The following TNFAIP8 variants were observed in gnomAD, a reference collection of about 807,000 sequenced individuals.
The protein encoded by TNFAIP8 is TNF alpha induced protein 8.
In TNFAIP8, 7 loss-of-function variants were observed where a neutral mutation model predicts 13.3. The ratio of observed to expected loss-of-function variants is 0.52; its 90% CI spans 0.30 to 0.99. The LOEUF is 0.99. Ranked by LOEUF, TNFAIP8 falls within the 50% of genes least tolerant of loss-of-function variation. TNFAIP8 has a pLI of 0.07. For missense variants in TNFAIP8, 258 were observed against 236.9 expected (o/e 1.09, Z -0.58); for synonymous variants, 94 against 87.6 (o/e 1.07, Z -0.41).
At chr5:119,316,875 G>GT (rs1238102010) in intron 1 of TNFAIP8, among the ~76,000 whole-genome samples, 1 of 152,154 alleles carries the variant, frequency 6.6e-6, no homozygotes, top group Non-Finnish European at 1.5e-5. Flanking sequence ...TTTGCTGCTG[G>GT]TATCTAGTGG....
At chr5:119,381,716 C>G (rs1247821211) in intron 1 of TNFAIP8, among the ~76,000 whole-genome samples, 1 of 151,938 alleles carries the variant, frequency 6.6e-6, no homozygotes, top group Non-Finnish European at 1.5e-5. Context: ...GCACTTTGGC[C>G]AGAGGAGTTT....
Position 119,394,470 on chromosome 5 carries a change from A to G in TNFAIP8, c.*1089A>G, listed in dbSNP as rs2112875545. On this transcript the variant is annotated 3_prime_UTR_variant, in exon 2 of 2. Coordinates refer to ENST00000504771, the MANE Select transcript of TNFAIP8 (RefSeq NM_014350.4). ...AGCAGTTTGTGTGGTGTTTCTATATAATTTTCTGTGTATAAATAATAAAGT... is the reference window on the plus strand; with the variant it reads ...AGCAGTTTGTGTGGTGTTTCTATATGATTTTCTGTGTATAAATAATAAAGT... 1 of 152,274 alleles carries G rather than the reference A, an allele frequency of 6.6e-6. No individual in the cohort carries two copies. The highest frequency in any genetic ancestry group is 1.9e-4 in the East Asian group (1 of 5,194). 9.4% of individuals were successfully genotyped at this position (152,274 alleles called of 1,614,324 possible).
upstream of TNFAIP8, among the ~76,000 whole-genome samples, chr5:119,351,369 G>A (rs1304420909): frequency 6.6e-6 from 1 of 150,800 alleles, no homozygotes; most frequent in African/African-American, 2.5e-5. Flanking sequence ...ACATTCAGTA[G>A]AAACTATACT....
chr5:119,338,287 A>C (rs1179226776), intron 1 of TNFAIP8, among the ~76,000 whole-genome samples: 19 of 152,036 alleles, frequency 1.2e-4, no homozygotes. Flanking sequence ...CCCCAGTATG[A>C]CAAGGATATT....
intron 1 of TNFAIP8, among the ~76,000 whole-genome samples, chr5:119,388,868 T>C (rs1204473246): frequency 6.6e-6 from 1 of 151,652 alleles, no homozygotes; most frequent in Non-Finnish European, 1.5e-5. Context: ...GGTCTCAAAG[T>C]CCTGGGCTCA....
intron 1 of TNFAIP8, among the ~76,000 whole-genome samples, chr5:119,341,415 TA>T: frequency 6.9e-6 from 1 of 144,878 alleles, no homozygotes; most frequent in African/African-American, 2.8e-5. Flanking sequence ...TTAAAAAACT[TA>T]AAACAAACAA....
chr5:119,327,983 A>G (rs1750273055), intron 1 of TNFAIP8, among the ~76,000 whole-genome samples: 1 of 152,078 alleles, frequency 6.6e-6, no homozygotes, highest in Non-Finnish European at 1.5e-5. Context: ...AAGATCTAAT[A>G]ATGTCTAGCT....
At chr5:119,364,450 C>G (rs1039649356) in intron 1 of TNFAIP8, among the ~76,000 whole-genome samples, 1 of 151,910 alleles carries the variant, frequency 6.6e-6, no homozygotes, top group Non-Finnish European at 1.5e-5. Context: ...TGGGCTCAAG[C>G]AATCTTCCTA....
rs931789915 is a variant in TNFAIP8 at position 119,362,125 on chromosome 5, G to A, written c.31+6004G>A. Among the ~76,000 whole-genome samples the A allele has an allele frequency of 1.3e-5, 2 of 152,196 alleles. 1 individual carries two copies. The highest frequency in any genetic ancestry group is 2.9e-5 in the Non-Finnish European group (2 of 68,036). The stretch of plus-strand genomic sequence containing the variant: ...GGACCCTATGAAAGTCTAGAAGAGG[G>A]GGTATTCACCAAAAGTCATGATGGA... On this transcript the variant is annotated intron_variant, in intron 1 of 1. Transcript: ENST00000504771.
intron 1 of TNFAIP8, among the ~76,000 whole-genome samples, chr5:119,377,830 C>G (rs566452853): frequency 1.3e-5 from 2 of 152,288 alleles, no homozygotes; most frequent in African/African-American, 4.8e-5. Context: ...TAATTCCTGA[C>G]TACCCAGTAG....
At chr5:119,350,558 T>A (rs1268118758) in intron 1 of TNFAIP8, among the ~76,000 whole-genome samples, 1 of 152,214 alleles carries the variant, frequency 6.6e-6, no homozygotes, top group Non-Finnish European at 1.5e-5. Context: ...TATCATCTGC[T>A]AAAAGCTTTT....
intron 1 of TNFAIP8, among the ~76,000 whole-genome samples, chr5:119,305,996 T>A (rs1253671506): frequency 6.6e-6 from 1 of 152,190 alleles, no homozygotes; most frequent in Non-Finnish European, 1.5e-5. Context: ...TGTAATGGAC[T>A]GCCTGCGCCG....
chr5:119,346,849 G>A (rs772359499), intron 1 of TNFAIP8, among the ~76,000 whole-genome samples: 3 of 152,196 alleles, frequency 2.0e-5, no homozygotes, highest in Non-Finnish European at 2.9e-5. Flanking sequence ...GGGGACCTCA[G>A]AACTAAAATC....
intron 1 of TNFAIP8, among the ~76,000 whole-genome samples, chr5:119,365,752 A>G (rs980347078): frequency 6.6e-6 from 1 of 152,218 alleles, no homozygotes; most frequent in Admixed American, 6.5e-5. Flanking sequence ...TGCATCAGTT[A>G]TGAAATATCT....
At chr5:119,293,461 C>T (rs1200715905) in intron 1 of TNFAIP8, among the ~76,000 whole-genome samples, 8 of 152,092 alleles carry the variant, frequency 5.3e-5, no homozygotes, top group Non-Finnish European at 1.0e-4. Context: ...CTTTCTGTGC[C>T]TGGCTTATTT....
chr5:119,338,769 A>AT (rs1217531416), intron 1 of TNFAIP8, among the ~76,000 whole-genome samples: 5 of 152,158 alleles, frequency 3.3e-5, no homozygotes, highest in Non-Finnish European at 5.9e-5. Context: ...TACAAAAGAG[A>AT]TTTTTTTGTT....
At chr5:119,304,637 G>T (rs963186008) in intron 1 of TNFAIP8, among the ~76,000 whole-genome samples, 1 of 152,222 alleles carries the variant, frequency 6.6e-6, no homozygotes, top group Non-Finnish European at 1.5e-5. Flanking sequence ...CAAAGACCAC[G>T]ATTGCATGAG....
chr5:119,287,001 C>T (rs1748819710), intron 1 of TNFAIP8, among the ~76,000 whole-genome samples: 2 of 152,192 alleles, frequency 1.3e-5, no homozygotes, highest in African/African-American at 2.4e-5. Context: ...CAGAACGCAT[C>T]GCAAGCATCC....
At chr5:119,272,538 C>A (rs991569268) in intron 1 of TNFAIP8, among the ~76,000 whole-genome samples, 1 of 152,204 alleles carries the variant, frequency 6.6e-6, no homozygotes, top group African/African-American at 2.4e-5. Context: ...TCAAAAGAAG[C>A]ACATTTCTGC....
Sources: gnomAD v4.1 joint callset for allele counts (sites outside exome capture counted in the v4.1 genomes callset) on GRCh38, gnomAD v4.1.1 for gene constraint, MANE v1.5 for transcripts, NCBI Gene and HGNC (gene_info 2026-07-23, HGNC 2026-07-21) for gene names.